SELENOF: variants seen among roughly 807,000 people sequenced by gnomAD.
The protein encoded by SELENOF is 15 kDa selenoprotein.
A neutral mutation model predicts 20.5 loss-of-function variants in SELENOF; 16 were observed. The ratio of observed to expected loss-of-function variants is 0.78; its 90% CI spans 0.53 to 1.19. The LOEUF is 1.19. SELENOF is among the 50% of genes most tolerant of loss of function. The pLI, the probability that SELENOF is intolerant of heterozygous loss-of-function variation, is 0.00. For synonymous variants in SELENOF, 78 were observed against 74.5 expected (o/e 1.05, Z -0.24); for missense variants, 215 against 194.2 (o/e 1.11, Z -0.64).
intron 3 of SELENOF, among the ~76,000 whole-genome samples, chr1:86,872,572 G>C (rs549241163): frequency 6.7e-6 from 1 of 149,748 alleles, no homozygotes; most frequent in East Asian, 2.0e-4. Context: ...GTAAAGACGA[G>C]GTTTCTCCAT....
intron 2 of SELENOF, among the ~76,000 whole-genome samples, chr1:86,886,817 T>C (rs1408175202): frequency 3.9e-5 from 6 of 152,118 alleles, no homozygotes; most frequent in Admixed American, 1.3e-4. Flanking sequence ...AATGAAGGGA[T>C]TTTAAAATAA....
chr1:86,881,034 G>T (rs577214), intron 2 of SELENOF, among the ~76,000 whole-genome samples: 39,379 of 151,928 alleles, frequency 0.26, 6,292 homozygotes, highest in African/African-American at 0.45. Context: ...CCTAGGAAGC[G>T]CTACAAAATA....
intron 2 of SELENOF, among the ~76,000 whole-genome samples, chr1:86,883,797 C>T (rs1659140630): frequency 1.3e-5 from 2 of 152,134 alleles, no homozygotes; most frequent in South Asian, 4.1e-4. Flanking sequence ...GCCCTGCTTA[C>T]CTCAGGCCCC....
At chr1:86,873,079 AT>A (rs1414943893) in intron 3 of SELENOF, among the ~76,000 whole-genome samples, 2 of 149,232 alleles carry the variant, frequency 1.3e-5, no homozygotes, top group Admixed American at 6.7e-5. Flanking sequence ...AAATAAATAA[AT>A]AAATAAATAA....
chr1:86,872,785 G>A (rs1158974110), intron 3 of SELENOF, among the ~76,000 whole-genome samples: 1 of 151,984 alleles, frequency 6.6e-6, no homozygotes, highest in African/African-American at 2.4e-5. Flanking sequence ...GCTCACGCCT[G>A]TAATCCCAGC....
intron 1 of SELENOF, among the ~76,000 whole-genome samples, chr1:86,906,755 G>C (rs1434176001): frequency 6.6e-6 from 1 of 152,204 alleles, no homozygotes; most frequent in Non-Finnish European, 1.5e-5. Flanking sequence ...ACTGAGGTCT[G>C]AGACATCATA....
chr1:86,891,673 A>T (rs1659386472), intron 2 of SELENOF, among the ~76,000 whole-genome samples: 1 of 152,208 alleles, frequency 6.6e-6, no homozygotes, highest in South Asian at 2.1e-4. Flanking sequence ...TTTTGGGTTC[A>T]ATTAAATAAC....
In SELENOF at chr1:86,903,356, T is replaced by A. The variant is rs1390936940; in HGVS notation, c.177A>T (p.Gly59=). Residue 59 remains glycine, a synonymous_variant, in exon 2 of 5, where the codon GGA becomes GGT. Transcript: ENST00000331835. The part of the protein sequence containing the change: ...NLLCSSCDLL[G]QFNLLQLDPD... The stretch of plus-strand genomic sequence containing the variant: ...GATCCAGCTGAAGCAGGTTGAACTG[T>A]CCGAGAAGATCACAAGAGCTGCAAA... The A allele has an allele frequency of 6.2e-7, 1 of 1,612,280 alleles. No homozygotes were observed. Among genetic ancestry groups the A allele is most frequent in the Non-Finnish European group, 8.5e-7 (1 of 1,179,158 alleles).
chr1:86,882,290 GTTAAC>G (rs1180227013), intron 2 of SELENOF, among the ~76,000 whole-genome samples: 3 of 147,864 alleles, frequency 2.0e-5, no homozygotes, highest in African/African-American at 7.5e-5. Flanking sequence ...GAAAGAATAG[GTTAAC>G]TTAATTTTAT....
At chr1:86,875,198 G>A (rs1482401453) in intron 3 of SELENOF, among the ~76,000 whole-genome samples, 2 of 151,258 alleles carry the variant, frequency 1.3e-5, no homozygotes, top group African/African-American at 2.4e-5. Flanking sequence ...CCGAGATCAC[G>A]CCACTGCACT....
intron 1 of SELENOF, among the ~76,000 whole-genome samples, chr1:86,907,460 G>C (rs527281): frequency 0.12 from 17,621 of 152,138 alleles, 1,637 homozygotes; most frequent in African/African-American, 0.25. Context: ...ACATCAGAAA[G>C]TATTTTTAAG....
intron 3 of SELENOF, 77 bp downstream of exon 3, chr1:86,880,585 A>T: frequency 2.7e-6 from 2 of 748,052 alleles, no homozygotes; most frequent in Non-Finnish European, 4.4e-6. Flanking sequence ...TATTCCTGGG[A>T]ATATATAGTG....
chr1:86,889,846 A>G (rs919270781), intron 2 of SELENOF, among the ~76,000 whole-genome samples: 16 of 152,148 alleles, frequency 1.1e-4, no homozygotes, highest in Admixed American at 4.6e-4. Flanking sequence ...TTATTGCCTA[A>G]ATTGATTTCA....
At chr1:86,882,863 C>T (rs562436830) in intron 2 of SELENOF, among the ~76,000 whole-genome samples, 7 of 152,310 alleles carry the variant, frequency 4.6e-5, no homozygotes, top group Non-Finnish European at 7.3e-5. Context: ...CAGTGGCTCA[C>T]GCCTGTAATT....
chr1:86,914,151 TA>T (rs1480282866), upstream of SELENOF: 3 of 1,589,192 alleles, frequency 1.9e-6, no homozygotes, highest in Non-Finnish European at 2.6e-6. Context: ...ACCCCTAAGC[TA>T]GGGGCGTCCA....
rs138791779 is a variant in SELENOF at position 86,887,287 on chromosome 1, T to C, written c.253-6562A>G. ...TCCAATACTATATCTGAGATTAAATTACTACTCATCTTGGAGTGCTTTTTA... is the reference window on the plus strand; with the variant it reads ...TCCAATACTATATCTGAGATTAAATCACTACTCATCTTGGAGTGCTTTTTA... On this transcript the variant is annotated intron_variant, in intron 2 of 4. Coordinates refer to ENST00000331835, the MANE Select transcript of SELENOF (RefSeq NM_004261.5). 5.9e-4 allele frequency: 819 copies of C among 1,380,592 alleles called. 3 individuals carry two copies. The Middle Eastern group carries it at 0.012, about 19-fold the overall frequency. The allele number at this position is 1,380,592 out of a possible 1,614,324, so 85.5% of individuals were successfully genotyped here. A position where few individuals can be genotyped will look rare whatever the true frequency, so the allele number is the denominator to read the frequency against.
intron 1 of SELENOF, among the ~76,000 whole-genome samples, chr1:86,913,597 C>T (rs1307649871): frequency 6.6e-6 from 1 of 152,118 alleles, no homozygotes; most frequent in Admixed American, 6.5e-5. Flanking sequence ...AGAGAGCACG[C>T]GCGCGAGAGA....
chr1:86,903,430 C>G lies in SELENOF; in HGVS notation c.103G>C (p.Glu35Gln). 6.2e-7 allele frequency: 1 copy of G among 1,606,004 alleles called. No individual in the cohort carries two copies. Among genetic ancestry groups the G allele is most frequent in the Middle Eastern group, 1.7e-4 (1 of 6,054 alleles). Residue 35 changes from glutamate to glutamine, a missense_variant, in exon 2 of 5, where the codon GAG becomes CAG. Glu to Gln is a conservative substitution (Grantham distance 29). Transcript: ENST00000331835. ...TCTCTGCATGCCTCCGATGAAAACTCTGCCCCAAAAGCAGACACCTGAAAA... is the reference window on the plus strand; with the variant it reads ...TCTCTGCATGCCTCCGATGAAAACTGTGCCCCAAAAGCAGACACCTGAAAA... ...VLQAVSAFGA[E>Q]FSSEACRELG...
At chr1:86,886,071 T>C (rs1424676194) in intron 2 of SELENOF, among the ~76,000 whole-genome samples, 3 of 152,168 alleles carry the variant, frequency 2.0e-5, no homozygotes, top group African/African-American at 7.2e-5. Flanking sequence ...GTAATGAAAA[T>C]GGCCACTCCA....
Sources: gnomAD v4.1 joint callset for allele counts (sites outside exome capture counted in the v4.1 genomes callset) on GRCh38, gnomAD v4.1.1 for gene constraint, MANE v1.5 for transcripts, NCBI Gene and HGNC (gene_info 2026-07-23, HGNC 2026-07-21) for gene names.